The following AMZ1 variants were observed in gnomAD, a reference collection of about 807,000 sequenced individuals.
AMZ1 encodes archaemetzincin-1.
AMZ1 carries 39 observed loss-of-function variants against 29.9 expected under a neutral mutation model. The ratio of observed to expected loss-of-function variants is 1.30; its 90% CI spans 1.01 to 1.70. The LOEUF is 1.70. AMZ1 is among the 40% of genes most tolerant of loss of function. The probability of loss-of-function intolerance (pLI) is 0.00; values close to 1 mark genes in which losing one functional copy is unlikely to be tolerated. For missense variants in AMZ1, 1,041 were observed against 680.6 expected (o/e 1.53, Z -5.89); for synonymous variants, 458 against 304.0 (o/e 1.51, Z -5.27).
At chr7:2,689,289 G>A (rs890760106) in intron 1 of AMZ1, among the ~76,000 whole-genome samples, 6 of 152,246 alleles carry the variant, frequency 3.9e-5, no homozygotes, top group African/African-American at 1.4e-4. Context: ...GGAGCTGTGC[G>A]GTTTAGGGCA....
chr7:2,735,312 G>A (rs570652065), intron 4 of AMZ1, among the ~76,000 whole-genome samples: 2 of 152,194 alleles, frequency 1.3e-5, no homozygotes, highest in Non-Finnish European at 2.9e-5. Flanking sequence ...ACCCTTGCCC[G>A]TTTCTAGGCA....
intron 4 of AMZ1, among the ~76,000 whole-genome samples, chr7:2,743,188 G>A (rs1298176910): frequency 6.6e-6 from 1 of 152,166 alleles, no homozygotes; most frequent in Non-Finnish European, 1.5e-5. Context: ...CCGTATATAT[G>A]GGGGCAAACT....
intron 3 of AMZ1, among the ~76,000 whole-genome samples, chr7:2,707,971 G>A (rs563762223): frequency 4.2e-4 from 64 of 151,832 alleles, no homozygotes; most frequent in African/African-American, 1.4e-3. Flanking sequence ...TTACAGGCAC[G>A]CACCACCAGG....
intron 4 of AMZ1, among the ~76,000 whole-genome samples, chr7:2,755,274 C>T (rs890834928): frequency 4.3e-4 from 65 of 152,212 alleles, no homozygotes; most frequent in African/African-American, 1.5e-3. Context: ...TTACAATAAT[C>T]ACATCCATGT....
intron 4 of AMZ1, among the ~76,000 whole-genome samples, chr7:2,750,873 A>G (rs745342014): frequency 6.6e-6 from 1 of 152,204 alleles, no homozygotes; most frequent in African/African-American, 2.4e-5. Context: ...GAACTGAAAT[A>G]ACTGATTAAT....
rs76700058 is a variant in AMZ1 at position 2,692,065 on chromosome 7, G to A, written c.-219+3769G>A. On this transcript the variant is annotated intron_variant, in intron 1 of 6. Transcript: ENST00000683327. The stretch of plus-strand genomic sequence containing the variant: ...GTGGAAGGTCTGGGAGCGAGAAGCC[G>A]GTGAGCAGGTCATGTCACCGGTACC... Among the ~76,000 whole-genome samples the A allele has an allele frequency of 1.4e-3, 211 of 152,318 alleles. 7 individuals carry two copies. The East Asian group carries it at 0.038, about 27-fold the overall frequency.
chr7:2,688,941 C>T (rs776283312), intron 1 of AMZ1, among the ~76,000 whole-genome samples: 3 of 152,258 alleles, frequency 2.0e-5, no homozygotes, highest in African/African-American at 7.2e-5. Context: ...TGGGTCCTTT[C>T]TGCCCCCATC....
At chr7:2,762,301 A>AC (rs1335998774), upstream of AMZ1, 1 of 285,092 alleles carries the variant, frequency 3.5e-6, no homozygotes, top group Non-Finnish European at 6.5e-6. Context: ...GCCGGCGTGC[A>AC]CCCACCACTC....
intron 1 of AMZ1, among the ~76,000 whole-genome samples, chr7:2,698,102 C>G (rs1036674141): frequency 9.2e-5 from 14 of 152,136 alleles, no homozygotes; most frequent in African/African-American, 3.4e-4. Context: ...ATGTGTGACA[C>G]TGGAGTTAGT....
rs1190472057 is a variant in AMZ1 at position 2,714,731 on chromosome 7, C to T, written c.*1853C>T. 6.6e-6 allele frequency: 1 copy of T among 152,248 alleles called. No homozygotes were observed. Among genetic ancestry groups the T allele is most frequent in the Non-Finnish European group, 1.5e-5 (1 of 68,062 alleles). 9.4% of individuals were successfully genotyped at this position (152,248 alleles called of 1,614,324 possible). The stretch of plus-strand genomic sequence containing the variant: ...TCGACTGGAGTGTTCGTTCACACGG[C>T]TGCCAAGTGGAATTTGGCTGGGAAT... On this transcript the variant is annotated 3_prime_UTR_variant, in exon 7 of 7. Transcript: ENST00000683327.
chr7:2,697,237 C>T (rs1787797996), intron 1 of AMZ1, among the ~76,000 whole-genome samples: 2 of 152,070 alleles, frequency 1.3e-5, no homozygotes, highest in South Asian at 4.1e-4. Flanking sequence ...GCTGGGATTA[C>T]AGGCACGTGT....
chr7:2,738,907 C>T (rs539710390), intron 4 of AMZ1, among the ~76,000 whole-genome samples: 2 of 152,290 alleles, frequency 1.3e-5, no homozygotes, highest in East Asian at 3.9e-4. Context: ...CACGCTTTGG[C>T]CCCCTTGCCC....
chr7:2,704,037 T>C (rs1788209677), intron 3 of AMZ1, among the ~76,000 whole-genome samples: 2 of 152,274 alleles, frequency 1.3e-5, no homozygotes, highest in South Asian at 4.1e-4. Flanking sequence ...TACAGGCGGC[T>C]GCCACCATGC....
In AMZ1 at chr7:2,709,265, T is replaced by G. The variant is rs944523090; in HGVS notation, c.771+21T>G. On this transcript the variant is annotated intron_variant, in intron 5 of 6. Coordinates refer to ENST00000683327, the MANE Select transcript of AMZ1 (RefSeq NM_001384743.1). Reference sequence around the variant, plus strand: ...GCAAGGTGGGTGGGGGCTCTGGGGCTGGTAAGAGGGGACAGGAGGGTGCTG... The same window carrying G: ...GCAAGGTGGGTGGGGGCTCTGGGGCGGGTAAGAGGGGACAGGAGGGTGCTG... 2.0e-6 allele frequency: 3 copies of G among 1,485,282 alleles called. No individual in the cohort carries two copies. In the African/African-American group the frequency reaches 4.2e-5, roughly 21 times the overall value. 92.0% of individuals were successfully genotyped at this position (1,485,282 alleles called of 1,614,324 possible). A position where few individuals can be genotyped will look rare whatever the true frequency, so the allele number is the denominator to read the frequency against.
chr7:2,712,621 T>C lies in AMZ1; in HGVS notation c.1240T>C (p.Cys414Arg), dbSNP rs564005907. Reference protein sequence around the residue: ...IKEHERWLAMCIQALQREVAE... With the variant: ...IKEHERWLAMRIQALQREVAE... Reference sequence around the variant, plus strand: ...GGAGCATGAACGGTGGCTGGCCATGTGCATCCAGGCCCTGCAGCGGGAAGT... The same window carrying C: ...GGAGCATGAACGGTGGCTGGCCATGCGCATCCAGGCCCTGCAGCGGGAAGT... Residue 414 changes from cysteine (C) to arginine (R), a missense_variant, in exon 7 of 7, where the codon TGC becomes CGC. Cys to Arg is a radical substitution (Grantham distance 180). Transcript: ENST00000683327. 1 of 1,612,910 alleles carries C rather than the reference T, an allele frequency of 6.2e-7. No individual in the cohort carries two copies. The highest frequency in any genetic ancestry group is 2.2e-5 in the East Asian group (1 of 44,866).
intron 1 of AMZ1, among the ~76,000 whole-genome samples, chr7:2,695,196 C>T (rs753606893): frequency 1.1e-4 from 16 of 152,288 alleles, no homozygotes; most frequent in Admixed American, 3.3e-4. Flanking sequence ...ATCGTCTGTG[C>T]ATCTGATGTT....
At chr7:2,729,024 T>G (rs1417472448) in intron 4 of AMZ1, 1 of 152,356 alleles carries the variant, frequency 6.6e-6, no homozygotes, top group Non-Finnish European at 1.5e-5. Context: ...GACGAGTAAA[T>G]ATGTCAGACT....
chr7:2,704,798 G>A (rs549851879), intron 3 of AMZ1, among the ~76,000 whole-genome samples: 68 of 151,966 alleles, frequency 4.5e-4, no homozygotes, highest in Non-Finnish European at 7.8e-4. Flanking sequence ...GGGTTTCACC[G>A]TGTTAGCCAG....
At chr7:2,702,939 A>T in intron 3 of AMZ1, 50 bp downstream of exon 3, 1 of 1,524,606 alleles carries the variant, frequency 6.6e-7, no homozygotes, top group East Asian at 2.5e-5. Flanking sequence ...CCCCTTCTGG[A>T]AGGAAGAGGT....
Sources: allele counts gnomAD v4.1 joint callset (sites outside exome capture counted in the v4.1 genomes callset), GRCh38; gene constraint gnomAD v4.1.1; transcripts MANE v1.5; gene names NCBI Gene and HGNC (gene_info 2026-07-23, HGNC 2026-07-21).